PRP4K: variants seen among roughly 807,000 people sequenced by gnomAD.
PRP4K encodes pre-mRNA processing factor kinase PRP4K, also known as serine/threonine-protein kinase PRP4 homolog.
At chr6:4,063,089 A>G in the PRP4K span, 1 of 152,618 alleles carries the variant, frequency 6.6e-6, no homozygotes, top group Non-Finnish European at 1.5e-5. Flanking sequence ...GCTCAGTGGA[A>G]GATGATGACA....
the PRP4K span, chr6:4,049,906 T>G: frequency 2.5e-6 from 4 of 1,611,888 alleles, no homozygotes; most frequent in Non-Finnish European, 3.4e-6. Context: ...TGAGGAAACC[T>G]TTAACAGTAC....
chr6:4,043,192 A>G, the PRP4K span, among the ~76,000 whole-genome samples: 39 of 152,210 alleles, frequency 2.6e-4, no homozygotes, highest in African/African-American at 8.9e-4. Context: ...TAAATCAGGT[A>G]ATAGTGTGCC....
the PRP4K span, among the ~76,000 whole-genome samples, chr6:4,048,513 G>A: frequency 6.7e-6 from 1 of 150,140 alleles, no homozygotes; most frequent in Non-Finnish European, 1.5e-5. Context: ...ATAACAAATG[G>A]TATAACAGCT....
At chr6:4,045,793 G>A in the PRP4K span, among the ~76,000 whole-genome samples, 1 of 152,260 alleles carries the variant, frequency 6.6e-6, no homozygotes, top group East Asian at 1.9e-4. Context: ...ACAATTCTCT[G>A]TCTTTTAAAA....
chr6:4,029,526 TATTTTTA>T, the PRP4K span, among the ~76,000 whole-genome samples: 1 of 152,050 alleles, frequency 6.6e-6, no homozygotes, highest in South Asian at 2.1e-4. Flanking sequence ...CTAATTTTTT[TATTTTTA>T]ATAAAGATGA....
the PRP4K span, chr6:4,061,091 C>T: frequency 6.1e-6 from 1 of 164,230 alleles, no homozygotes; most frequent in Admixed American, 5.6e-5. Context: ...CTTGAGCCTG[C>T]CTGCAGGGAT....
chr6:4,059,620 C>G, the PRP4K span, among the ~76,000 whole-genome samples: 1 of 145,052 alleles, frequency 6.9e-6, no homozygotes, highest in Non-Finnish European at 1.5e-5. Flanking sequence ...TGTAAATTTT[C>G]ATTGCTAACT....
the PRP4K span, among the ~76,000 whole-genome samples, chr6:4,035,777 G>C: frequency 6.6e-6 from 1 of 152,108 alleles, no homozygotes; most frequent in African/African-American, 2.4e-5. Context: ...AGACTAGCTT[G>C]ACCGACATGG....
chr6:4,050,420 A>T, the PRP4K span: 2 of 505,430 alleles, frequency 4.0e-6, no homozygotes, highest in East Asian at 3.9e-5. Context: ...AGTGCATTTT[A>T]GTACCTACTG....
the PRP4K span, among the ~76,000 whole-genome samples, chr6:4,052,439 T>C: frequency 6.6e-6 from 1 of 152,240 alleles, no homozygotes; most frequent in African/African-American, 2.4e-5. Flanking sequence ...TGTTTTCAGA[T>C]GTGAATCTAT....
the PRP4K span, among the ~76,000 whole-genome samples, chr6:4,055,528 G>A: frequency 6.6e-6 from 1 of 152,124 alleles, no homozygotes; most frequent in African/African-American, 2.4e-5. Flanking sequence ...TCCCAACTCG[G>A]AATTTGTGTG....
chr6:4,047,052 T>C, the PRP4K span: 1 of 744,436 alleles, frequency 1.3e-6, no homozygotes, highest in Non-Finnish European at 2.4e-6. Flanking sequence ...TTGAATACTG[T>C]TGGGAAACTG....
the PRP4K span, chr6:4,031,709 C>T: frequency 8.7e-6 from 14 of 1,601,228 alleles, no homozygotes; most frequent in South Asian, 1.6e-4. Context: ...CAGAAGAAGA[C>T]AAGGATAAAA....
the PRP4K span, chr6:4,056,892 C>T: frequency 9.2e-7 from 1 of 1,090,598 alleles, no homozygotes; most frequent in Non-Finnish European, 1.3e-6. Flanking sequence ...TGGGAAAGAA[C>T]ACAAAACTAA....
the PRP4K span, among the ~76,000 whole-genome samples, chr6:4,031,393 G>A: frequency 4.7e-4 from 71 of 152,232 alleles, no homozygotes; most frequent in African/African-American, 1.3e-3. Context: ...AGTTCTTGCC[G>A]TAGACCTTCT....
chr6:4,039,440 C>G, the PRP4K span, among the ~76,000 whole-genome samples: 1 of 152,166 alleles, frequency 6.6e-6, no homozygotes, highest in Non-Finnish European at 1.5e-5. Context: ...ATGTGCCTCT[C>G]AGCATCTGGA....
At chr6:4,021,810 G>A in the PRP4K span, among the ~76,000 whole-genome samples, 1 of 152,162 alleles carries the variant, frequency 6.6e-6, no homozygotes, top group African/African-American at 2.4e-5. Context: ...TGAGCTCCCT[G>A]GCCGCAGCTC....
the PRP4K span, among the ~76,000 whole-genome samples, chr6:4,034,155 GA>G: frequency 4.3e-5 from 5 of 116,602 alleles, no homozygotes; most frequent in Non-Finnish European, 1.1e-4. Context: ...GAATATAAGG[GA>G]ATTTTTTTTT....
the PRP4K span, chr6:4,051,917 T>C: frequency 7.4e-7 from 1 of 1,351,232 alleles, no homozygotes; most frequent in Non-Finnish European, 1.0e-6. Context: ...CTAAATTCTG[T>C]ATATATTCAA....
Sources: gnomAD v4.1 joint callset for allele counts (sites outside exome capture counted in the v4.1 genomes callset) on GRCh38, gnomAD v4.1.1 for gene constraint, MANE v1.5 for transcripts, NCBI Gene and HGNC (gene_info 2026-07-23, HGNC 2026-07-21) for gene names.